RALYL: variants seen among roughly 807,000 people sequenced by gnomAD.
RALYL encodes RNA-binding Raly-like protein.
In RALYL, 29 loss-of-function variants were observed where a neutral mutation model predicts 35.1. The ratio of observed to expected loss-of-function variants is 0.83; its 90% CI spans 0.61 to 1.13. The LOEUF is 1.13. Among genes scored for constraint, RALYL ranks in the 50% most tolerant of loss-of-function variants. RALYL has a pLI of 0.00. For synonymous variants in RALYL, 120 were observed against 127.6 expected (o/e 0.94, Z 0.40); for missense variants, 359 against 360.4 (o/e 1.00, Z 0.03).
chr8:84,249,392 A>G (rs1829746636), intron 1 of RALYL, among the ~76,000 whole-genome samples: 1 of 152,160 alleles, frequency 6.6e-6, no homozygotes, highest in African/African-American at 2.4e-5. Context: ...TCTGAGTTCT[A>G]CATCATTGAG....
In RALYL at chr8:84,183,293, C is replaced by G. The variant is rs927728708; in HGVS notation, c.-1155C>G. ...GGGCTCACAGCGAAGGCAGCCTCGCCGCGAGCTGCCGCTGCCGCTGCTGCC... is the reference window on the plus strand; with the variant it reads ...GGGCTCACAGCGAAGGCAGCCTCGCGGCGAGCTGCCGCTGCCGCTGCTGCC... On this transcript the variant is annotated 5_prime_UTR_variant, in exon 1 of 9. Transcript: ENST00000521268. 6.5e-6 allele frequency: 1 copy of G among 153,810 alleles called. No homozygotes were observed. Among genetic ancestry groups the G allele is most frequent in the Non-Finnish European group, 1.5e-5 (1 of 68,750 alleles). 9.5% of individuals were successfully genotyped at this position (153,810 alleles called of 1,614,324 possible).
chr8:84,203,307 T>G (rs1232765450), intron 1 of RALYL, among the ~76,000 whole-genome samples: 1 of 151,554 alleles, frequency 6.6e-6, no homozygotes, highest in Non-Finnish European at 1.5e-5. Context: ...CTCACTTGAG[T>G]GAATCACTAT....
chr8:84,691,861 G>A (rs987902756), intron 2 of RALYL, among the ~76,000 whole-genome samples: 3 of 151,956 alleles, frequency 2.0e-5, no homozygotes, highest in African/African-American at 7.2e-5. Flanking sequence ...CAAAATATTA[G>A]CAAATCAAAT....
chr8:84,535,596 C>T (rs1245491424), intron 2 of RALYL, among the ~76,000 whole-genome samples: 2 of 79,560 alleles, frequency 2.5e-5, no homozygotes, highest in African/African-American at 8.9e-5. Flanking sequence ...CCACCACGCC[C>T]GGCTAATTAT....
At chr8:84,192,229 G>T (rs1244066164) in intron 1 of RALYL, among the ~76,000 whole-genome samples, 1 of 152,200 alleles carries the variant, frequency 6.6e-6, no homozygotes, top group Non-Finnish European at 1.5e-5. Context: ...GAAAGGACCA[G>T]TTAAACTAAA....
At chr8:84,811,279 G>A (rs908968939) in intron 4 of RALYL, among the ~76,000 whole-genome samples, 6 of 152,116 alleles carry the variant, frequency 3.9e-5, no homozygotes, top group Non-Finnish European at 8.8e-5. Context: ...ATGATGCTTA[G>A]TTTCGCTGGA....
chr8:84,828,179 T>C (rs1830112374), intron 4 of RALYL, among the ~76,000 whole-genome samples: 1 of 152,150 alleles, frequency 6.6e-6, no homozygotes, highest in Non-Finnish European at 1.5e-5. Context: ...AATAATTAAT[T>C]TTATGCATAT....
intron 8 of RALYL, among the ~76,000 whole-genome samples, chr8:84,919,432 C>A (rs1403549043): frequency 6.6e-6 from 1 of 151,718 alleles, no homozygotes; most frequent in East Asian, 1.9e-4. Flanking sequence ...TCCTTTACAC[C>A]ACACAAAAAG....
intron 1 of RALYL, among the ~76,000 whole-genome samples, chr8:84,308,553 TA>T (rs2129691740): frequency 6.6e-6 from 1 of 152,262 alleles, no homozygotes; most frequent in African/African-American, 2.4e-5. Flanking sequence ...CTTCACTTTT[TA>T]GATAGTTAAT....
At position 84,282,747 on chromosome 8, in the gene RALYL, C is replaced by CGTGT. The variant is rs5892909; in HGVS notation, c.-24+98352_-24+98355dup. Among the ~76,000 whole-genome samples the CGTGT allele has an allele frequency of 5.8e-3, 867 of 148,782 alleles. 11 individuals are homozygous for CGTGT. The highest frequency in any genetic ancestry group is 0.02 in the African/African-American group (803 of 40,362). ...ATATATGTATCTATATATGTGTATG[C>CGTGT]GTGTGTGTGTGTGTGTGTGTGTGTG... On this transcript the variant is annotated intron_variant, in intron 1 of 8. Transcript: ENST00000521268.
intron 1 of RALYL, among the ~76,000 whole-genome samples, chr8:84,440,606 A>G (rs2048226318): frequency 6.6e-6 from 1 of 151,880 alleles, no homozygotes; most frequent in Admixed American, 6.6e-5. Flanking sequence ...ACATAAACCT[A>G]CTCTCTTAAG....
chr8:84,482,111 A>C (rs553626385), intron 1 of RALYL, among the ~76,000 whole-genome samples: 3 of 152,242 alleles, frequency 2.0e-5, no homozygotes, highest in African/African-American at 7.2e-5. Flanking sequence ...GATTTTCTTT[A>C]AATAATATGC....
chr8:84,197,271 G>GTGAAACCC (rs1441040891), intron 1 of RALYL, among the ~76,000 whole-genome samples: 1 of 151,924 alleles, frequency 6.6e-6, no homozygotes, highest in Non-Finnish European at 1.5e-5. Context: ...CTTATATACT[G>GTGAAACCC]TGAAACCCCG....
At chr8:84,643,544 G>A (rs760907735) in intron 2 of RALYL, among the ~76,000 whole-genome samples, 1 of 152,062 alleles carries the variant, frequency 6.6e-6, no homozygotes, top group Admixed American at 6.6e-5. Context: ...GCCATGAGCA[G>A]CCAGCATTCA....
At chr8:84,496,841 G>A (rs1040608146) in intron 1 of RALYL, among the ~76,000 whole-genome samples, 1 of 151,970 alleles carries the variant, frequency 6.6e-6, no homozygotes, top group African/African-American at 2.4e-5. Context: ...CCATTTTTAA[G>A]CATTTATTAT....
intron 1 of RALYL, among the ~76,000 whole-genome samples, chr8:84,271,437 T>A (rs1016494859): frequency 3.3e-5 from 5 of 149,626 alleles, no homozygotes; most frequent in African/African-American, 1.2e-4. Flanking sequence ...TGGGGATAGT[T>A]TGCATCTAGT....
At chr8:84,584,122 G>A (rs186428789) in intron 2 of RALYL, among the ~76,000 whole-genome samples, 205 of 152,106 alleles carry the variant, frequency 1.3e-3, no homozygotes, top group Non-Finnish European at 2.4e-3. Context: ...TACCCTTTTA[G>A]TTATTTTTGA....
At chr8:84,749,993 C>A (rs1809563077) in intron 2 of RALYL, among the ~76,000 whole-genome samples, 1 of 152,152 alleles carries the variant, frequency 6.6e-6, no homozygotes, top group Admixed American at 6.5e-5. Context: ...TATTGAAGGG[C>A]ATTCTGCTCT....
chr8:84,780,171 G>T (rs977578034), intron 3 of RALYL, among the ~76,000 whole-genome samples: 2 of 152,014 alleles, frequency 1.3e-5, no homozygotes, highest in Non-Finnish European at 2.9e-5. Flanking sequence ...CCAGCCAGAT[G>T]GTTCCACTCA....
Sources: gnomAD v4.1 joint callset for allele counts (sites outside exome capture counted in the v4.1 genomes callset) on GRCh38, gnomAD v4.1.1 for gene constraint, MANE v1.5 for transcripts, NCBI Gene and HGNC (gene_info 2026-07-23, HGNC 2026-07-21) for gene names.